Variants in MEGF10 observed in about 807,000 individuals in gnomAD.
MEGF10 encodes multiple EGF like domains 10.
In MEGF10, 86 loss-of-function variants were observed where a neutral mutation model predicts 147.5. That is an observed-to-expected ratio of 0.58 (90% confidence interval 0.49 to 0.70). The LOEUF (loss-of-function observed/expected upper bound fraction) is 0.70. Ranked by LOEUF, MEGF10 falls within the 30% of genes least tolerant of loss-of-function variation. The pLI is 0.00. For synonymous variants in MEGF10, 478 were observed against 525.5 expected (o/e 0.91, Z 1.24); for missense variants, 1,329 against 1,487.3 (o/e 0.89, Z 1.75).
At chr5:127,307,903 G>T (rs1421861341) in intron 1 of MEGF10, among the ~76,000 whole-genome samples, 1 of 152,178 alleles carries the variant, frequency 6.6e-6, no homozygotes, top group African/African-American at 2.4e-5. Flanking sequence ...CCTCCATGGG[G>T]TAATAGAGCC....
chr5:127,384,672 C>T (rs1763368208), intron 5 of MEGF10, among the ~76,000 whole-genome samples: 1 of 152,206 alleles, frequency 6.6e-6, no homozygotes, highest in South Asian at 2.1e-4. Context: ...CTCTCTCAGT[C>T]ACTGAATAAA....
intron 5 of MEGF10, among the ~76,000 whole-genome samples, chr5:127,376,278 G>T (rs1580783452): frequency 6.6e-6 from 1 of 152,272 alleles, no homozygotes; most frequent in African/African-American, 2.4e-5. Context: ...CTTTGTCTAT[G>T]TTTTAAGGTG....
At chr5:127,260,196 TA>T in the MEGF10 span, among the ~76,000 whole-genome samples, 3 of 151,498 alleles carry the variant, frequency 2.0e-5, no homozygotes, top group African/African-American at 4.8e-5. Flanking sequence ...TAAATAAATG[TA>T]AAAAAAATAA....
At chr5:127,235,292 T>C in the MEGF10 span, among the ~76,000 whole-genome samples, 1 of 152,236 alleles carries the variant, frequency 6.6e-6, no homozygotes, top group East Asian at 1.9e-4. Context: ...CCCAAGCTTT[T>C]ACCTCCTTTG....
At chr5:127,423,215 T>C (rs1218983520) in intron 13 of MEGF10, among the ~76,000 whole-genome samples, 1 of 152,248 alleles carries the variant, frequency 6.6e-6, no homozygotes, top group Admixed American at 6.5e-5. Flanking sequence ...AAAATGTTCA[T>C]TGCTGGAAGT....
chr5:127,309,651 G>A (rs2546086), intron 1 of MEGF10, among the ~76,000 whole-genome samples: 100,440 of 151,416 alleles, frequency 0.66, 33,649 homozygotes, highest in Middle Eastern at 0.82. Flanking sequence ...ATAATATTCA[G>A]TTGTAGTATA....
the MEGF10 span, among the ~76,000 whole-genome samples, chr5:127,261,597 G>A: frequency 6.6e-6 from 1 of 152,056 alleles, no homozygotes; most frequent in Non-Finnish European, 1.5e-5. Flanking sequence ...GTTTTGTGTG[G>A]AATTATACAT....
At chr5:127,453,060 G>A (rs867168389) in intron 22 of MEGF10, among the ~76,000 whole-genome samples, 1 of 152,178 alleles carries the variant, frequency 6.6e-6, no homozygotes, top group East Asian at 1.9e-4. Flanking sequence ...ATCCCCATGG[G>A]ACACCAACAT....
At chr5:127,229,598 C>T in the MEGF10 span, 2 of 152,402 alleles carry the variant, frequency 1.3e-5, no homozygotes, top group African/African-American at 2.4e-5. Context: ...GGAGGCTGCT[C>T]GAGGGGAGGC....
rs761399559 is a variant in MEGF10, at chr5:127,433,491, G to A, written c.1822G>A (p.Gly608Ser). Residue 608 changes from glycine (G) to serine (S), a missense_variant, in exon 14 of 25, where the codon GGC (glycine) becomes AGC (serine). By Grantham distance (56) the Gly-to-Ser change is moderately conservative (BLOSUM62 0). Coordinates refer to ENST00000503335, the MANE Select transcript of MEGF10 (RefSeq NM_001256545.2). Reference protein sequence around the residue: ...GICECAPGFRGTTCQRICSPG... With the variant: ...GICECAPGFRSTTCQRICSPG... ...CTGCGAGTGTGCACCAGGCTTCCGA[G>A]GCACCACTTGTCAGAGGAGTAAGTG... The A allele has an allele frequency of 1.9e-6, 3 of 1,609,216 alleles. No homozygotes were observed. The highest frequency in any genetic ancestry group is 2.2e-5 in the East Asian group (1 of 44,770).
At chr5:127,449,759 C>T (rs1337708772) in intron 22 of MEGF10, among the ~76,000 whole-genome samples, 1 of 152,134 alleles carries the variant, frequency 6.6e-6, no homozygotes, top group East Asian at 1.9e-4. Context: ...AACAGGAATA[C>T]AGTGGATCAG....
Position 127,446,381 on chromosome 5 carries a change from C to T in MEGF10, c.2728+688C>T, listed in dbSNP as rs1167721987. 2.6e-5 allele frequency among the ~76,000 whole-genome samples: 4 copies of T among 151,976 alleles called. No individual in the cohort carries two copies. The South Asian group carries it at 6.2e-4, about 24-fold the overall frequency. On this transcript the variant is annotated intron_variant, in intron 20 of 24. Coordinates refer to ENST00000503335, the MANE Select transcript of MEGF10 (RefSeq NM_001256545.2). Reference sequence around the variant, plus strand: ...TTACATGTTTAAAACTACAAAATTCCGTGGAAATATGAGAAGTAGCTGATT... The same window carrying T: ...TTACATGTTTAAAACTACAAAATTCTGTGGAAATATGAGAAGTAGCTGATT...
chr5:127,407,853 A>G (rs1180759000), intron 8 of MEGF10, among the ~76,000 whole-genome samples: 1 of 152,202 alleles, frequency 6.6e-6, no homozygotes, highest in Non-Finnish European at 1.5e-5. Context: ...GAGAATATAT[A>G]CTTCTAGAAA....
intron 8 of MEGF10, among the ~76,000 whole-genome samples, chr5:127,403,382 G>C (rs1226587195): frequency 6.6e-6 from 1 of 152,076 alleles, no homozygotes; most frequent in Non-Finnish European, 1.5e-5. Context: ...TGTGAACTAA[G>C]CACATTATGC....
chr5:127,449,360 CTG>C, intron 22 of MEGF10, 138 bp downstream of exon 22: 4 of 1,109,152 alleles, frequency 3.6e-6, no homozygotes, highest in Non-Finnish European at 5.1e-6. Flanking sequence ...TGCCTAACAC[CTG>C]TACAGGGCTA....
chr5:127,229,317 C>G, the MEGF10 span: 1 of 152,232 alleles, frequency 6.6e-6, no homozygotes, highest in Non-Finnish European at 1.5e-5. Flanking sequence ...GCGGTAGCAC[C>G]GAGGAGGCTG....
At chr5:127,346,531 C>T (rs1026802505) in intron 4 of MEGF10, among the ~76,000 whole-genome samples, 8 of 152,032 alleles carry the variant, frequency 5.3e-5, no homozygotes, top group African/African-American at 1.9e-4. Flanking sequence ...TATTTATGTC[C>T]TTAGCCCACT....
At position 127,339,237 on chromosome 5, in the gene MEGF10, G is replaced by A; in HGVS notation, c.218+16G>A. On this transcript the variant is annotated intron_variant, in intron 3 of 24. Coordinates refer to ENST00000503335, the MANE Select transcript of MEGF10 (RefSeq NM_001256545.2). ...CGCGGCACAGGTAATAGAAGCTCAGGCATGTTTGTGAGTTTGGCTAACTGG... is the reference window on the plus strand; with the variant it reads ...CGCGGCACAGGTAATAGAAGCTCAGACATGTTTGTGAGTTTGGCTAACTGG... The A allele has an allele frequency of 6.4e-7, 1 of 1,571,994 alleles. No homozygotes were observed. Among genetic ancestry groups the A allele is most frequent in the Non-Finnish European group, 8.7e-7 (1 of 1,143,678 alleles).
Position 127,402,571 on chromosome 5 carries a change from C to T in MEGF10, c.806C>T (p.Pro269Leu), listed in dbSNP as rs1427203192. 1.2e-6 allele frequency: 2 copies of T among 1,613,980 alleles called. No homozygotes were observed. Among genetic ancestry groups the T allele is most frequent in the East Asian group, 2.2e-5 (1 of 44,864 alleles). ...GGCACAGTGTGTGGTCAGCCTTGCCCCGAGGGTCGCTTTGGAAAGAACTGT... is the reference window on the plus strand; with the variant it reads ...GGCACAGTGTGTGGTCAGCCTTGCCTCGAGGGTCGCTTTGGAAAGAACTGT... The part of the protein sequence containing the change: ...WMGTVCGQPC[P>L]EGRFGKNCSQ... The change falls in exon 8 of 25, where the codon CCC becomes CTC. Residue 269 changes from proline to leucine, a missense_variant. Transcript: ENST00000503335.
Sources: allele counts gnomAD v4.1 joint callset (sites outside exome capture counted in the v4.1 genomes callset), GRCh38; gene constraint gnomAD v4.1.1; transcripts MANE v1.5; gene names NCBI Gene and HGNC (gene_info 2026-07-23, HGNC 2026-07-21).